Variants in TOM1L2 observed in about 807,000 individuals in gnomAD.
TOM1L2 encodes the protein TOM1-like protein 2.
In TOM1L2, 31 loss-of-function variants were observed where a neutral mutation model predicts 67.9. That is an observed-to-expected ratio of 0.46 (90% CI 0.34 to 0.62). TOM1L2 has a LOEUF of 0.62. Ranked by LOEUF, TOM1L2 falls within the 20% of genes least tolerant of loss-of-function variation. The pLI is 0.01. For missense variants in TOM1L2, 606 were observed against 663.5 expected, an observed-to-expected ratio of 0.91 and a Z score of 0.95; for synonymous variants, 256 against 254.0, an observed-to-expected ratio of 1.01 and a Z score of -0.07.
intron 1 of TOM1L2, among the ~76,000 whole-genome samples, chr17:17,965,814 A>G (rs1022329665): frequency 6.6e-6 from 1 of 152,084 alleles, no homozygotes; most frequent in Non-Finnish European, 1.5e-5. Context: ...ACAACATTAA[A>G]CTTTTTTTAA....
chr17:17,864,296 C>T (rs2036722947), intron 10 of TOM1L2, among the ~76,000 whole-genome samples: 1 of 151,720 alleles, frequency 6.6e-6, no homozygotes, highest in Non-Finnish European at 1.5e-5. Context: ...CTGCAAGCTC[C>T]GCCTCCCGGG....
Position 17,882,961 on chromosome 17 carries a change from C to A in TOM1L2, c.502-98G>T, listed in dbSNP as rs1051946731. The A allele has an allele frequency of 6.9e-6, 10 of 1,446,304 alleles. No homozygotes were observed. In the East Asian group the frequency reaches 1.6e-4, roughly 23 times the overall value. The allele number at this position is 1,446,304 out of a possible 1,614,324, so 89.6% of individuals were successfully genotyped here. A position where few individuals can be genotyped will look rare whatever the true frequency, so the allele number is the denominator to read the frequency against. On this transcript the variant is annotated intron_variant, in intron 5 of 14. Transcript: ENST00000379504. ...CCATGCAGCACTTCCCCAAGGCTGC[C>A]CACGAAAGGCTCAAGGCCCTGCTCC...
At chr17:17,916,870 A>G (rs1455755485) in intron 1 of TOM1L2, among the ~76,000 whole-genome samples, 1 of 151,938 alleles carries the variant, frequency 6.6e-6, no homozygotes, top group Non-Finnish European at 1.5e-5. Context: ...TAAAAATACA[A>G]AAATTAGCCA....
At chr17:17,962,711 G>A (rs1446745317) in intron 1 of TOM1L2, among the ~76,000 whole-genome samples, 1 of 152,122 alleles carries the variant, frequency 6.6e-6, no homozygotes, top group African/African-American at 2.4e-5. Context: ...TGTAATCTCA[G>A]CACTTTGGGA....
At chr17:17,972,179 G>T in intron 1 of TOM1L2, 83 bp downstream of exon 1, 1 of 1,513,356 alleles carries the variant, frequency 6.6e-7, no homozygotes, top group South Asian at 1.2e-5. Context: ...AAGTGGCACC[G>T]GCGCCCGGCG....
intron 3 of TOM1L2, among the ~76,000 whole-genome samples, chr17:17,897,791 T>C (rs1172420023): frequency 6.6e-6 from 1 of 152,188 alleles, no homozygotes; most frequent in East Asian, 1.9e-4. Flanking sequence ...TCTCTGAGCC[T>C]CAGTTTCATC....
At chr17:17,927,153 G>A (rs115722989) in intron 1 of TOM1L2, among the ~76,000 whole-genome samples, 2,028 of 152,262 alleles carry the variant, frequency 0.013, 44 homozygotes, top group African/African-American at 0.046. Context: ...AATAAACACA[G>A]TATCTATCTA....
chr17:17,935,804 A>C (rs2040491664), intron 1 of TOM1L2, among the ~76,000 whole-genome samples: 1 of 152,180 alleles, frequency 6.6e-6, no homozygotes, highest in Non-Finnish European at 1.5e-5. Flanking sequence ...AAAAATATTC[A>C]ACCTCAGCAG....
intron 1 of TOM1L2, among the ~76,000 whole-genome samples, chr17:17,948,360 C>T (rs2041044051): frequency 6.6e-6 from 1 of 152,120 alleles, no homozygotes; most frequent in African/African-American, 2.4e-5. Context: ...AAAAAATGTG[C>T]CCCCTTGGCC....
At chr17:17,892,266 C>T (rs1396399571) in intron 4 of TOM1L2, among the ~76,000 whole-genome samples, 1 of 152,142 alleles carries the variant, frequency 6.6e-6, no homozygotes, top group Non-Finnish European at 1.5e-5. Flanking sequence ...ATCTGAGAGC[C>T]CGGCCTGCCC....
chr17:17,888,718 G>T (rs561592295), intron 4 of TOM1L2, among the ~76,000 whole-genome samples: 1 of 152,350 alleles, frequency 6.6e-6, no homozygotes, highest in South Asian at 2.1e-4. Flanking sequence ...GGCATGGGGA[G>T]GGGGGCTGGA....
chr17:17,904,629 G>C (rs1289600022), intron 2 of TOM1L2, among the ~76,000 whole-genome samples: 1 of 152,130 alleles, frequency 6.6e-6, no homozygotes. Context: ...GGAAGGGGTA[G>C]GAGGGAAGGG....
intron 8 of TOM1L2, 57 bp from the exon 9 acceptor site, chr17:17,866,981 G>T: frequency 6.5e-7 from 1 of 1,544,004 alleles, no homozygotes; most frequent in South Asian, 1.1e-5. Context: ...ATATGGCCCT[G>T]TGGGGTGCTC....
At chr17:17,885,525 A>T (rs2037949389) in intron 4 of TOM1L2, among the ~76,000 whole-genome samples, 1 of 152,232 alleles carries the variant, frequency 6.6e-6, no homozygotes, top group Non-Finnish European at 1.5e-5. Context: ...TCCCAAGAAA[A>T]GCACAATCAC....
chr17:17,953,328 C>T lies in TOM1L2; in HGVS notation c.52+18934G>A, dbSNP rs2041288072. On this transcript the variant is annotated intron_variant, in intron 1 of 14. Coordinates refer to ENST00000379504, the MANE Select transcript of TOM1L2 (RefSeq NM_001082968.2). ...TAAATGTTATGTTATGTGTATTTTA[C>T]CACCATAAAAACAAAAGACTGCAGA... Among the ~76,000 whole-genome samples the T allele has an allele frequency of 3.9e-5, 6 of 152,004 alleles. No homozygotes were observed. The South Asian group carries it at 1.2e-3, about 32-fold the overall frequency.
At chr17:17,880,542 C>A (rs77082949) in intron 6 of TOM1L2, among the ~76,000 whole-genome samples, 1 of 152,202 alleles carries the variant, frequency 6.6e-6, no homozygotes, top group Non-Finnish European at 1.5e-5. Flanking sequence ...TCCTTGCCCA[C>A]AGTGAAATAT....
intron 1 of TOM1L2, among the ~76,000 whole-genome samples, chr17:17,954,832 C>T (rs2041360702): frequency 6.6e-6 from 1 of 152,182 alleles, no homozygotes; most frequent in South Asian, 2.1e-4. Context: ...TAAGAGCAAA[C>T]ACATGCTAAA....
intron 1 of TOM1L2, among the ~76,000 whole-genome samples, chr17:17,933,601 T>C (rs894504442): frequency 2.6e-5 from 4 of 152,138 alleles, no homozygotes; most frequent in Non-Finnish European, 5.9e-5. Context: ...CCCCTAAGCA[T>C]CATTTTGAGG....
At chr17:17,895,749 T>A (rs1286745912) in intron 3 of TOM1L2, among the ~76,000 whole-genome samples, 1 of 152,040 alleles carries the variant, frequency 6.6e-6, no homozygotes, top group Non-Finnish European at 1.5e-5. Context: ...CAGCTAAGAG[T>A]GCCTCAGATG....
Sources: gnomAD v4.1 joint callset for allele counts (sites outside exome capture counted in the v4.1 genomes callset) on GRCh38, gnomAD v4.1.1 for gene constraint, MANE v1.5 for transcripts, NCBI Gene and HGNC (gene_info 2026-07-23, HGNC 2026-07-21) for gene names.